The following NAV2 variants were observed in gnomAD, a reference collection of about 807,000 sequenced individuals.
The protein encoded by NAV2 is helicase, APC down-regulated 1.
Under a neutral mutation model 223.2 loss-of-function variants are expected in NAV2, and 54 were observed. The observed-to-expected ratio is 0.24, with a 90% CI of 0.19 to 0.30. The LOEUF is 0.30. Among genes scored for constraint, NAV2 ranks in the 10% least tolerant of loss-of-function variants. The pLI is 1.00. For missense variants in NAV2, 2,806 were observed against 3,147.5 expected (o/e 0.89, Z 2.60); for synonymous variants, 1,279 against 1,239.3 (o/e 1.03, Z -0.67).
At chr11:19,385,538 C>T (rs1019894771) in intron 1 of NAV2, among the ~76,000 whole-genome samples, 3 of 152,134 alleles carry the variant, frequency 2.0e-5, no homozygotes, top group Non-Finnish European at 2.9e-5. Flanking sequence ...AATGTTTTTG[C>T]ACCAAAGATT....
chr11:19,922,698 C>T (rs2044379818), intron 6 of NAV2, among the ~76,000 whole-genome samples: 1 of 152,118 alleles, frequency 6.6e-6, no homozygotes, highest in East Asian at 1.9e-4. Context: ...CATTACCTGC[C>T]CACGGTTCTG....
chr11:19,591,711 A>G (rs867935066), intron 1 of NAV2, among the ~76,000 whole-genome samples: 5 of 152,328 alleles, frequency 3.3e-5, no homozygotes, highest in Middle Eastern at 3.4e-3. Context: ...TATAACCCAC[A>G]AAAAGTAGGG....
chr11:19,876,641 C>T (rs1358935533), intron 4 of NAV2, among the ~76,000 whole-genome samples: 1 of 152,082 alleles, frequency 6.6e-6, no homozygotes, highest in Non-Finnish European at 1.5e-5. Context: ...GACTAAATGA[C>T]AATGGTAGGT....
intron 6 of NAV2, among the ~76,000 whole-genome samples, chr11:19,923,550 C>A (rs1416949089): frequency 6.6e-6 from 1 of 152,158 alleles, no homozygotes; most frequent in Non-Finnish European, 1.5e-5. Flanking sequence ...CCATCCTTGC[C>A]CCAATAGAAA....
intron 34 of NAV2, chr11:20,105,327 G>A: frequency 6.4e-6 from 3 of 466,306 alleles, no homozygotes; most frequent in African/African-American, 4.0e-5. Flanking sequence ...CGGAGGTGGA[G>A]ATAATATCTA....
intron 1 of NAV2, among the ~76,000 whole-genome samples, chr11:19,595,364 T>G (rs2046177819): frequency 6.6e-6 from 1 of 152,058 alleles, no homozygotes. Context: ...GAGGGGAAAT[T>G]GATGAATGCT....
intron 1 of NAV2, among the ~76,000 whole-genome samples, chr11:19,533,706 C>CT (rs34280979): frequency 0.014 from 1,788 of 126,504 alleles, 82 homozygotes; most frequent in Admixed American, 0.048. Context: ...TGGGAACTAT[C>CT]TTTTTTTTTT....
chr11:19,430,151 CT>C, intron 1 of NAV2, among the ~76,000 whole-genome samples: 1 of 152,298 alleles, frequency 6.6e-6, no homozygotes, highest in Middle Eastern at 3.4e-3. Context: ...ACCCCCACCC[CT>C]CTCAGTTCTG....
chr11:20,003,326 C>A (rs1389236850), intron 11 of NAV2, among the ~76,000 whole-genome samples: 1 of 152,130 alleles, frequency 6.6e-6, no homozygotes, highest in Non-Finnish European at 1.5e-5. Context: ...TCTGCATATC[C>A]ATTTATGAGG....
intron 1 of NAV2, among the ~76,000 whole-genome samples, chr11:19,768,839 G>T (rs2055459358): frequency 6.6e-6 from 1 of 152,192 alleles, no homozygotes; most frequent in Admixed American, 6.5e-5. Context: ...TTATTGTGAG[G>T]ACTGAAGATG....
chr11:19,801,780 T>A (rs957350809), intron 1 of NAV2, among the ~76,000 whole-genome samples: 1 of 152,212 alleles, frequency 6.6e-6, no homozygotes, highest in Non-Finnish European at 1.5e-5. Context: ...TTACGTCACC[T>A]GTGAGCTCCT....
intron 29 of NAV2, among the ~76,000 whole-genome samples, chr11:20,094,110 T>A (rs1289067904): frequency 6.6e-6 from 1 of 152,154 alleles, no homozygotes; most frequent in Non-Finnish European, 1.5e-5. Context: ...ATTTTGGCAC[T>A]TCCATTAGCG....
In NAV2 at chr11:19,512,378, G is replaced by A. The variant is rs117204318; in HGVS notation, c.75+161351G>A. Reference sequence around the variant, plus strand: ...CAGAGACTAAAACTGGCCTCCATGAGAGGAGACTGAGCAAGGTGGGCAGTA... The same window carrying A: ...CAGAGACTAAAACTGGCCTCCATGAAAGGAGACTGAGCAAGGTGGGCAGTA... On this transcript the variant is annotated intron_variant, in intron 1 of 37. Transcript: ENST00000360655. Among the ~76,000 whole-genome samples the A allele has an allele frequency of 5.7e-3, 871 of 152,314 alleles. 8 individuals are homozygous for A. Among genetic ancestry groups the A allele is most frequent in the Non-Finnish European group, 9.9e-3 (675 of 68,014 alleles).
At chr11:19,842,975 T>G in intron 3 of NAV2, 52 bp downstream of exon 3, 1 of 1,476,862 alleles carries the variant, frequency 6.8e-7, no homozygotes, top group Non-Finnish European at 9.5e-7. Context: ...AAGCCCTGCC[T>G]CTAAGTGATA....
intron 1 of NAV2, among the ~76,000 whole-genome samples, chr11:19,556,238 T>C (rs1039761984): frequency 3.9e-5 from 6 of 152,214 alleles, no homozygotes; most frequent in Non-Finnish European, 8.8e-5. Flanking sequence ...GTTCAAGCCA[T>C]TGTAAATGGT....
chr11:19,897,383 TA>T (rs923141903), intron 6 of NAV2, among the ~76,000 whole-genome samples: 17 of 150,594 alleles, frequency 1.1e-4, no homozygotes, highest in Middle Eastern at 3.4e-3. Context: ...AAAGTGTAAT[TA>T]AAAAAAAAGG....
rs1007736008 is a variant in NAV2 at position 20,107,690 on chromosome 11, A to G, written c.6868A>G (p.Ile2290Val). ...IGPRLFLSCP[I>V]DVDGSRVWFT... The stretch of plus-strand genomic sequence containing the variant: ...CCCCCGGCTCTTCCTGTCATGCCCC[A>G]TCGATGTGGACGGCTCGAGAGTGTG... The change falls in exon 36 of 38, where the codon ATC (isoleucine) becomes GTC (valine). Residue 2290 changes from isoleucine to valine, a missense_variant. By Grantham distance (29) the Ile-to-Val change is conservative (BLOSUM62 3). Coordinates refer to ENST00000349880, the MANE Select transcript of NAV2 (RefSeq NM_145117.5). The G allele has an allele frequency of 1.9e-6, 3 of 1,613,932 alleles. No homozygotes were observed. Among genetic ancestry groups the G allele is most frequent in the African/African-American group, 1.3e-5 (1 of 74,886 alleles).
At chr11:19,625,936 CT>C (rs2047157996) in intron 1 of NAV2, among the ~76,000 whole-genome samples, 1 of 152,024 alleles carries the variant, frequency 6.6e-6, no homozygotes, top group Non-Finnish European at 1.5e-5. Flanking sequence ...ATATTGACCC[CT>C]TGTCAGATGA....
intron 1 of NAV2, among the ~76,000 whole-genome samples, chr11:19,596,998 C>A (rs2046222820): frequency 6.6e-6 from 1 of 152,184 alleles, no homozygotes; most frequent in Non-Finnish European, 1.5e-5. Flanking sequence ...TAGCTGGCCC[C>A]CCTGACTCCA....
Sources: allele counts gnomAD v4.1 joint callset (sites outside exome capture counted in the v4.1 genomes callset), GRCh38; gene constraint gnomAD v4.1.1; transcripts MANE v1.5; gene names NCBI Gene and HGNC (gene_info 2026-07-23, HGNC 2026-07-21).